Variants in SPATA9 observed in about 807,000 individuals in gnomAD.
SPATA9 encodes spermatogenesis-associated protein 9.
In SPATA9, 27 loss-of-function variants were observed where a neutral mutation model predicts 25.5. The ratio of observed to expected loss-of-function variants is 1.06; its 90% CI spans 0.78 to 1.46. The LOEUF is 1.46. Ranked by LOEUF, SPATA9 falls within the 40% of genes most tolerant of loss-of-function variation. SPATA9 has a pLI of 0.00. For synonymous variants in SPATA9, 102 were observed against 105.7 expected, an observed-to-expected ratio of 0.97 and a Z score of 0.21; for missense variants, 282 against 297.5, an observed-to-expected ratio of 0.95 and a Z score of 0.38.
downstream of SPATA9, chr5:95,654,108 C>T (rs758182819): frequency 1.9e-6 from 3 of 1,611,820 alleles, no homozygotes; most frequent in South Asian, 2.2e-5. Context: ...AGGGAATATT[C>T]TTCTGTGTGT....
At position 95,663,994 on chromosome 5, in the gene SPATA9, T is replaced by C; in HGVS notation, c.433A>G (p.Thr145Ala). The C allele has an allele frequency of 6.3e-7, 1 of 1,599,848 alleles. No individual in the cohort carries two copies. The highest frequency in any genetic ancestry group is 1.1e-5 in the South Asian group (1 of 88,758). Residue 145 changes from threonine (T) to alanine (A), a missense_variant, in exon 4 of 5, where the codon ACT (threonine) becomes GCT (alanine). Thr to Ala is a moderately conservative substitution (Grantham distance 58). Coordinates refer to ENST00000274432, the MANE Select transcript of SPATA9 (RefSeq NM_031952.4). The stretch of plus-strand genomic sequence containing the variant: ...GCATATGAAGCATATATTATGCTAG[T>C]TAAAGCAGTCTTTGCTGGAAAGGAG... ...IISFPAKTAL[T>A]SIIYASYAAL... is the part of the protein sequence containing the mutation.
intron 4 of SPATA9, among the ~76,000 whole-genome samples, chr5:95,661,967 T>C (rs1340860574): frequency 3.9e-5 from 6 of 152,174 alleles, no homozygotes; most frequent in Admixed American, 1.3e-4. Context: ...AATATCAAAA[T>C]AAGTAGAAGG....
chr5:95,684,987 C>A (rs1218891830), upstream of SPATA9, among the ~76,000 whole-genome samples: 1 of 152,122 alleles, frequency 6.6e-6, no homozygotes, highest in Non-Finnish European at 1.5e-5. Flanking sequence ...AGAAAATGAA[C>A]ATTTTACATA....
the SPATA9 span, chr5:95,716,917 C>T: frequency 6.6e-6 from 1 of 151,930 alleles, no homozygotes; most frequent in Non-Finnish European, 1.5e-5. Context: ...GTTCTCTTAC[C>T]TGCCACCATG....
chr5:95,656,026 TGA>T (rs768663626), downstream of SPATA9: 1 of 1,605,786 alleles, frequency 6.2e-7, no homozygotes, highest in South Asian at 1.1e-5. Context: ...GAATATTAAA[TGA>T]GTTATTCTCT....
chr5:95,682,977 A>C lies in SPATA9; in HGVS notation c.-123T>G. ...CACTTGGGAAAGCCAGCAAGGACAG[A>C]ACTCACAGCTCACTGCTGGAATTCT... On this transcript the variant is annotated 5_prime_UTR_variant, in exon 1 of 5. Coordinates refer to ENST00000274432, the MANE Select transcript of SPATA9 (RefSeq NM_031952.4). 1 of 1,366,786 alleles carries C rather than the reference A, an allele frequency of 7.3e-7. No homozygotes were observed. Among genetic ancestry groups the C allele is most frequent in the Non-Finnish European group, 9.5e-7 (1 of 1,056,682 alleles). The allele number at this position is 1,366,786 out of a possible 1,614,324, so 84.7% of individuals were successfully genotyped here.
the SPATA9 span, among the ~76,000 whole-genome samples, chr5:95,706,025 A>T: frequency 6.6e-6 from 1 of 152,238 alleles, no homozygotes; most frequent in Non-Finnish European, 1.5e-5. Flanking sequence ...TTGGGGTTCA[A>T]CAATTCCTAA....
chr5:95,713,207 C>T, the SPATA9 span, among the ~76,000 whole-genome samples: 1,817 of 152,116 alleles, frequency 0.012, 43 homozygotes, highest in African/African-American at 0.041. Context: ...TAATGGCCCA[C>T]TTGAGTCCAT....
chr5:95,652,751 A>G (rs1332690408), downstream of SPATA9: 1 of 260,072 alleles, frequency 3.8e-6, no homozygotes, highest in Admixed American at 5.0e-5. Flanking sequence ...TTAACACAAT[A>G]TAATTGTAGC....
At chr5:95,719,711 G>A in the SPATA9 span, 1 of 152,142 alleles carries the variant, frequency 6.6e-6, no homozygotes, top group Admixed American at 6.5e-5. Context: ...GTGGCTCTTC[G>A]ATGATCCTTG....
chr5:95,694,964 AG>A (rs1753978941), intron 1 of SPATA9, among the ~76,000 whole-genome samples: 1 of 152,200 alleles, frequency 6.6e-6, no homozygotes, highest in Non-Finnish European at 1.5e-5. Flanking sequence ...AATTATTGAA[AG>A]CTACTAATCT....
intron 1 of SPATA9, among the ~76,000 whole-genome samples, chr5:95,688,968 G>C (rs1045523063): frequency 1.3e-5 from 2 of 151,956 alleles, no homozygotes; most frequent in Non-Finnish European, 2.9e-5. Context: ...ATTCATTATG[G>C]AGTCAACTAA....
chr5:95,730,894 G>A, the SPATA9 span: 1 of 456,114 alleles, frequency 2.2e-6, no homozygotes, highest in East Asian at 7.0e-5. Context: ...AGCGGCAGAC[G>A]TGGTAAAGCA....
chr5:95,689,935 A>G (rs1753840965), intron 1 of SPATA9, among the ~76,000 whole-genome samples: 1 of 152,250 alleles, frequency 6.6e-6, no homozygotes, highest in South Asian at 2.1e-4. Flanking sequence ...TAATGCAGGA[A>G]CAGTAAACCA....
At chr5:95,707,933 A>G in the SPATA9 span, among the ~76,000 whole-genome samples, 2 of 147,294 alleles carry the variant, frequency 1.4e-5, no homozygotes, top group Admixed American at 1.3e-4. Context: ...TTCCTCAGTT[A>G]TAACAAGGGG....
chr5:95,731,697 C>T, the SPATA9 span: 267 of 1,613,168 alleles, frequency 1.7e-4, no homozygotes, highest in Non-Finnish European at 2.1e-4. Flanking sequence ...ACGTACGCGC[C>T]GCCGTCCTGC....
In SPATA9 at chr5:95,658,884, C is replaced by G; in HGVS notation, c.504G>C (p.Lys168Asn). ...CTTCTTCCTGGAAGATGTTCTTTAC[C>G]TTCTTCAGCACAGCATTAACACAGA... ...LAVCVNAVLK[K>N]VKNIFQEEES... The change falls in exon 5 of 5, where the codon AAG becomes AAC. Residue 168 changes from lysine (K) to asparagine (N), a missense_variant. Transcript: ENST00000274432. The G allele has an allele frequency of 1.2e-6, 2 of 1,613,516 alleles. No individual in the cohort carries two copies. Among genetic ancestry groups the G allele is most frequent in the South Asian group, 1.1e-5 (1 of 91,038 alleles).
At chr5:95,716,074 A>T in the SPATA9 span, among the ~76,000 whole-genome samples, 1 of 152,244 alleles carries the variant, frequency 6.6e-6, no homozygotes, top group Non-Finnish European at 1.5e-5. Flanking sequence ...TTTGGTGAGG[A>T]TGGAGAGTAG....
At chr5:95,658,938 A>T (rs750075535) in intron 4 of SPATA9, 25 bp from the exon 5 acceptor site, 2 of 1,559,092 alleles carry the variant, frequency 1.3e-6, no homozygotes, top group East Asian at 4.5e-5. Context: ...GAGTTTGTAA[A>T]GTGAAGTTTC....
Sources: gnomAD v4.1 joint callset for allele counts (sites outside exome capture counted in the v4.1 genomes callset) on GRCh38, gnomAD v4.1.1 for gene constraint, MANE v1.5 for transcripts, NCBI Gene and HGNC (gene_info 2026-07-23, HGNC 2026-07-21) for gene names.